ACVR2A: variants seen among roughly 807,000 people sequenced by gnomAD.
ACVR2A encodes activin A receptor type 2A, also known as activin receptor type-2A.
In ACVR2A, 7 loss-of-function variants were observed where a neutral mutation model predicts 61.4. The observed-to-expected ratio is 0.11, with a 90% CI of 0.06 to 0.21. ACVR2A has a LOEUF of 0.21. ACVR2A is among the 10% of genes least tolerant of loss of function. The probability of loss-of-function intolerance (pLI) is 1.00; values close to 1 mark genes in which losing one functional copy is unlikely to be tolerated. For synonymous variants in ACVR2A, 193 were observed against 208.3 expected (o/e 0.93, Z 0.63); for missense variants, 322 against 621.7 (o/e 0.52, Z 5.13).
At chr2:147,879,055 A>G (rs1263608716) in intron 1 of ACVR2A, among the ~76,000 whole-genome samples, 2 of 152,206 alleles carry the variant, frequency 1.3e-5, no homozygotes, top group Non-Finnish European at 2.9e-5. Flanking sequence ...ATGTTTTTCA[A>G]ACTTACTAAA....
rs1685272596 is a variant in ACVR2A, at chr2:147,845,134, T to C, written c.-19T>C. The C allele has an allele frequency of 6.2e-7, 1 of 1,608,240 alleles. No homozygotes were observed. Among genetic ancestry groups the C allele is most frequent in the Non-Finnish European group, 8.5e-7 (1 of 1,177,090 alleles). ...TATCTAGCGAGAACTTCCTCCGGAT[T>C]CCCCGGCGCCTCGGGAAAATGGGAG... On this transcript the variant is annotated 5_prime_UTR_variant, in exon 1 of 11. Coordinates refer to ENST00000241416, the MANE Select transcript of ACVR2A (RefSeq NM_001616.5).
At position 147,896,572 on chromosome 2, in the gene ACVR2A, A is replaced by G. The variant is rs568597117; in HGVS notation, c.263+64A>G. Reference sequence around the variant, plus strand: ...ATTTTCACACTTCCCCTCTTTTTGAAAGGGGAAAGATCAGTGCATAAATTT... The same window carrying G: ...ATTTTCACACTTCCCCTCTTTTTGAGAGGGGAAAGATCAGTGCATAAATTT... On this transcript the variant is annotated intron_variant, in intron 2 of 10. Coordinates refer to ENST00000241416, the MANE Select transcript of ACVR2A (RefSeq NM_001616.5). 6 of 1,482,968 alleles carry G rather than the reference A, an allele frequency of 4.0e-6. No homozygotes were observed. In the African/African-American group the frequency reaches 8.3e-5, roughly 21 times the overall value. 91.9% of individuals were successfully genotyped at this position (1,482,968 alleles called of 1,614,324 possible). A position where few individuals can be genotyped will look rare whatever the true frequency, so the allele number is the denominator to read the frequency against.
intron 1 of ACVR2A, among the ~76,000 whole-genome samples, chr2:147,866,173 G>A (rs1236642243): frequency 2.0e-5 from 3 of 152,098 alleles, no homozygotes; most frequent in East Asian, 1.9e-4. Context: ...AATAACAAAC[G>A]AAATACATGA....
chr2:147,904,652 A>T (rs1273573894), intron 4 of ACVR2A, among the ~76,000 whole-genome samples: 1 of 152,014 alleles, frequency 6.6e-6, no homozygotes, highest in Admixed American at 6.6e-5. Flanking sequence ...TTAGCATTAA[A>T]GTGATAATAG....
chr2:147,869,323 G>T (rs866954229), intron 1 of ACVR2A, among the ~76,000 whole-genome samples: 1 of 152,040 alleles, frequency 6.6e-6, no homozygotes, highest in Non-Finnish European at 1.5e-5. Flanking sequence ...AATTGATTTT[G>T]CATCATTCAT....
intron 1 of ACVR2A, among the ~76,000 whole-genome samples, chr2:147,845,905 T>G (rs1685299757): frequency 6.6e-6 from 1 of 152,262 alleles, no homozygotes; most frequent in South Asian, 2.1e-4. Flanking sequence ...ACCTACGGAA[T>G]ACTTATTTTA....
At chr2:147,857,240 A>G (rs1241316519) in intron 1 of ACVR2A, among the ~76,000 whole-genome samples, 5 of 152,098 alleles carry the variant, frequency 3.3e-5, no homozygotes, top group African/African-American at 9.7e-5. Context: ...ATTTTTCACT[A>G]TTGTATCCCT....
At chr2:147,892,814 ATT>A (rs879448232) in intron 1 of ACVR2A, among the ~76,000 whole-genome samples, 2 of 147,432 alleles carry the variant, frequency 1.4e-5, no homozygotes. Context: ...TATTTTAATA[ATT>A]TTTTTTTTTG....
At chr2:147,858,261 T>G (rs1412012049) in intron 1 of ACVR2A, among the ~76,000 whole-genome samples, 1 of 152,170 alleles carries the variant, frequency 6.6e-6, no homozygotes, top group South Asian at 2.1e-4. Context: ...AATACAGTTA[T>G]TTTTTTCAAG....
chr2:147,927,158 G>C lies in ACVR2A; in HGVS notation c.1426G>C (p.Gly476Arg), dbSNP rs1439021007. 19 of 1,612,214 alleles carry C rather than the reference G, an allele frequency of 1.2e-5. No homozygotes were observed. The highest frequency in any genetic ancestry group is 1.5e-5 in the Non-Finnish European group (18 of 1,178,866). The change falls in exon 11 of 11, where the codon GGT becomes CGT. Residue 476 changes from glycine (G) to arginine (R), a missense_variant. Around this residue, in one of 3 missense-constraint regions of ACVR2A, gnomAD observed 146 missense variants for 383.8 expected, o/e 0.38. Coordinates refer to ENST00000241416, the MANE Select transcript of ACVR2A (RefSeq NM_001616.5). ...AEARLSAGCVGERITQMQRLT... is the reference protein window; with the variant it reads ...AEARLSAGCVRERITQMQRLT... ...AGCCAGGTTATCAGCTGGATGTGTA[G>C]GTGAAAGAATTACCCAGATGCAGAG...
At chr2:147,896,205 C>T (rs1686729430) in intron 1 of ACVR2A, 96 bp from the exon 2 acceptor site, 2 of 1,085,472 alleles carry the variant, frequency 1.8e-6, no homozygotes, top group Non-Finnish European at 2.7e-6. Context: ...CGGTGAATTA[C>T]TGACACTTTA....
intron 1 of ACVR2A, among the ~76,000 whole-genome samples, chr2:147,857,532 TAAAAAAA>T (rs1003153545): frequency 3.6e-5 from 4 of 111,476 alleles, no homozygotes; most frequent in African/African-American, 6.4e-5. Flanking sequence ...TGGTTTTCTT[TAAAAAAA>T]AAAAAAAAAA....
chr2:147,849,614 C>T (rs1194775133), intron 1 of ACVR2A, among the ~76,000 whole-genome samples: 1 of 152,028 alleles, frequency 6.6e-6, no homozygotes, highest in African/African-American at 2.4e-5. Flanking sequence ...AAATGCTTAC[C>T]TTGTTTTGAA....
At chr2:147,915,096 G>C in intron 4 of ACVR2A, 95 bp from the exon 5 acceptor site, 1 of 1,174,036 alleles carries the variant, frequency 8.5e-7, no homozygotes, top group Non-Finnish European at 1.2e-6. Context: ...GTTTCTGTCA[G>C]TTGACTTTTC....
intron 1 of ACVR2A, among the ~76,000 whole-genome samples, chr2:147,845,534 A>G (rs1461705874): frequency 3.9e-5 from 6 of 152,206 alleles, no homozygotes; most frequent in Non-Finnish European, 5.9e-5. Context: ...CGCAAATACC[A>G]CAAGTGACAA....
At position 147,923,118 on chromosome 2, in the gene ACVR2A, G is replaced by GAA; in HGVS notation, c.1216+13_1216+14dup. The GAA allele has an allele frequency of 6.3e-7, 1 of 1,598,796 alleles. No homozygotes were observed. The highest frequency in any genetic ancestry group is 8.5e-7 in the Non-Finnish European group (1 of 1,175,174). On this transcript the variant is annotated splice_region_variant and intron_variant, in intron 9 of 10. Coordinates refer to ENST00000241416, the MANE Select transcript of ACVR2A (RefSeq NM_001616.5). ...CGCTGTACTGCTGCAGATGGTAAGG[G>GAA]AAAAAAATATTTTTAAAAAAGATAT... is the stretch of plus-strand genomic sequence containing the variant.
chr2:147,908,790 G>T (rs575681671), intron 4 of ACVR2A, among the ~76,000 whole-genome samples: 1 of 152,106 alleles, frequency 6.6e-6, no homozygotes, highest in South Asian at 2.1e-4. Flanking sequence ...GTCCTAAAAA[G>T]TTGTTGAGTG....
At chr2:147,874,946 A>T (rs1686117348) in intron 1 of ACVR2A, among the ~76,000 whole-genome samples, 2 of 152,018 alleles carry the variant, frequency 1.3e-5, no homozygotes, top group South Asian at 4.1e-4. Context: ...TAGGTGGCTC[A>T]TAGTTGTCAT....
intron 4 of ACVR2A, among the ~76,000 whole-genome samples, chr2:147,900,716 C>T (rs1686851974): frequency 6.6e-6 from 1 of 152,018 alleles, no homozygotes. Flanking sequence ...TTGCTTGAGA[C>T]ATCTCTGAAT....
Sources: gnomAD v4.1 joint callset for allele counts (sites outside exome capture counted in the v4.1 genomes callset) on GRCh38, gnomAD v4.1.1 for gene constraint, gnomAD v4.1.1 regional missense constraint, MANE v1.5 for transcripts, NCBI Gene and HGNC (gene_info 2026-07-23, HGNC 2026-07-21) for gene names.